The following TRPC6 variants were observed in gnomAD, a reference collection of about 807,000 sequenced individuals.
TRPC6 encodes the protein short transient receptor potential channel 6.
Under a neutral mutation model 90.7 loss-of-function variants are expected in TRPC6, and 55 were observed. The ratio of observed to expected loss-of-function variants is 0.61; its 90% CI spans 0.49 to 0.76. TRPC6 has a LOEUF of 0.76. Ranked by LOEUF, TRPC6 falls within the 30% of genes least tolerant of loss-of-function variation. TRPC6 has a pLI of 0.00. For missense variants in TRPC6, 989 were observed against 1,122.7 expected, an observed-to-expected ratio of 0.88 and a Z score of 1.70; for synonymous variants, 393 against 393.0, an observed-to-expected ratio of 1.00 and a Z score of 0.00.
intron 1 of TRPC6, among the ~76,000 whole-genome samples, chr11:101,544,602 C>G (rs148583192): frequency 0.032 from 4,914 of 152,014 alleles, 263 homozygotes; most frequent in African/African-American, 0.099. Context: ...AAGCTGGAAA[C>G]CATCATTCTC....
chr11:101,479,621 A>G (rs991462802), intron 5 of TRPC6, among the ~76,000 whole-genome samples: 4 of 152,216 alleles, frequency 2.6e-5, no homozygotes, highest in African/African-American at 9.6e-5. Flanking sequence ...ACTTTCTTTC[A>G]AGAATAACTT....
At chr11:101,553,484 C>T (rs1259349025) in intron 1 of TRPC6, among the ~76,000 whole-genome samples, 1 of 152,162 alleles carries the variant, frequency 6.6e-6, no homozygotes, top group East Asian at 1.9e-4. Flanking sequence ...ACTCCTATTG[C>T]GTTCCTCACC....
chr11:101,498,699 T>C (rs922518856), intron 2 of TRPC6, among the ~76,000 whole-genome samples: 1 of 152,188 alleles, frequency 6.6e-6, no homozygotes, highest in Admixed American at 6.5e-5. Flanking sequence ...AATAGATTAA[T>C]CGTCTTCAAA....
intron 1 of TRPC6, among the ~76,000 whole-genome samples, chr11:101,541,832 G>GT (rs1565235769): frequency 6.6e-6 from 1 of 152,316 alleles, no homozygotes; most frequent in East Asian, 1.9e-4. Context: ...GTATATGCAT[G>GT]TTTAACATTG....
intron 1 of TRPC6, among the ~76,000 whole-genome samples, chr11:101,566,100 TG>T (rs34025615): frequency 0.62 from 94,094 of 152,016 alleles, 29,336 homozygotes; most frequent in Non-Finnish European, 0.66. Context: ...TTTGGGTATA[TG>T]GGGTATATTG....
intron 1 of TRPC6, among the ~76,000 whole-genome samples, chr11:101,511,951 C>G (rs1860403612): frequency 6.6e-6 from 1 of 152,044 alleles, no homozygotes; most frequent in African/African-American, 2.4e-5. Flanking sequence ...CGAGATCACG[C>G]CACTGCACTC....
At chr11:101,501,849 AT>A (rs1315487706) in intron 2 of TRPC6, among the ~76,000 whole-genome samples, 2 of 152,154 alleles carry the variant, frequency 1.3e-5, no homozygotes, top group Non-Finnish European at 2.9e-5. Context: ...TTATAAAAGC[AT>A]TTTTTAAACT....
At chr11:101,491,421 G>T in intron 3 of TRPC6, 135 bp downstream of exon 3, 1 of 1,165,280 alleles carries the variant, frequency 8.6e-7, no homozygotes, top group Non-Finnish European at 1.2e-6. Context: ...GCGACAGAGC[G>T]AGACTCCATC....
intron 1 of TRPC6, among the ~76,000 whole-genome samples, chr11:101,552,096 A>G (rs1239276466): frequency 1.3e-5 from 2 of 152,090 alleles, no homozygotes; most frequent in African/African-American, 4.8e-5. Flanking sequence ...GTAAGTTTGC[A>G]AGTAAAAATC....
At position 101,499,637 on chromosome 11, in the gene TRPC6, G is replaced by GTGTATATATATATACACAATATAAAA. The variant is rs1565218512; in HGVS notation, c.945+4386_945+4387insTTTTATATTGTGTATATATATATACA. ...TATATATACACACACAATATAAAAT[G>GTGTATATATATATACACAATATAAAA]TGTATATATATATATACACAATATA... On this transcript the variant is annotated intron_variant, in intron 2 of 12. Transcript: ENST00000344327. 9.9e-4 allele frequency among the ~76,000 whole-genome samples: 91 copies of GTGTATATATATATACACAATATAAAA among 92,168 alleles called. 2 individuals are homozygous for GTGTATATATATATACACAATATAAAA. The highest frequency in any genetic ancestry group is 1.3e-3 in the Non-Finnish European group (60 of 46,120). 60.5% of individuals were successfully genotyped at this position (92,168 alleles called of 152,430 possible).
intron 1 of TRPC6, among the ~76,000 whole-genome samples, chr11:101,522,835 T>A (rs771020916): frequency 1.3e-5 from 2 of 152,226 alleles, no homozygotes; most frequent in Non-Finnish European, 2.9e-5. Context: ...TAGGCATAGC[T>A]TCAGTGCCAG....
chr11:101,454,295 A>G (rs1251294191), intron 11 of TRPC6, among the ~76,000 whole-genome samples: 1 of 152,172 alleles, frequency 6.6e-6, no homozygotes, highest in African/African-American at 2.4e-5. Flanking sequence ...GTCTTGATGG[A>G]TATAGAACTA....
chr11:101,463,201 T>A (rs1439608401), intron 10 of TRPC6, among the ~76,000 whole-genome samples: 1 of 152,196 alleles, frequency 6.6e-6, no homozygotes, highest in Non-Finnish European at 1.5e-5. Flanking sequence ...TGCTGCTGGA[T>A]TCGGTTTGCC....
chr11:101,526,505 CT>C (rs1173779350), intron 1 of TRPC6, among the ~76,000 whole-genome samples: 1 of 152,052 alleles, frequency 6.6e-6, no homozygotes, highest in African/African-American at 2.4e-5. Context: ...TATTCCTAAA[CT>C]TTCTCTTTAT....
chr11:101,485,481 T>C (rs1859657742), intron 4 of TRPC6, among the ~76,000 whole-genome samples: 1 of 152,178 alleles, frequency 6.6e-6, no homozygotes, highest in Non-Finnish European at 1.5e-5. Flanking sequence ...TATAATGTTT[T>C]ATGTATGATT....
intron 4 of TRPC6, among the ~76,000 whole-genome samples, chr11:101,484,588 TCA>T (rs1859629546): frequency 7.0e-6 from 1 of 143,350 alleles, no homozygotes; most frequent in African/African-American, 2.6e-5. Context: ...TCTCTCTCTC[TCA>T]TGCTATGTGT....
chr11:101,510,360 T>C (rs1860368835), intron 1 of TRPC6, among the ~76,000 whole-genome samples: 1 of 152,074 alleles, frequency 6.6e-6, no homozygotes, highest in Non-Finnish European at 1.5e-5. Flanking sequence ...AAATGAAACC[T>C]AGCAAAATCA....
At chr11:101,546,626 T>TA (rs2136830617) in intron 1 of TRPC6, among the ~76,000 whole-genome samples, 1 of 152,294 alleles carries the variant, frequency 6.6e-6, no homozygotes, top group African/African-American at 2.4e-5. Flanking sequence ...TTGTAATACT[T>TA]ACTTGTAACA....
Position 101,476,319 on chromosome 11 carries a change from C to G in TRPC6, c.1726G>C (p.Val576Leu). Residue 576 changes from valine (V) to leucine (L), a missense_variant, in exon 6 of 13, where the codon GTG (valine) becomes CTG (leucine). Coordinates refer to ENST00000344327, the MANE Select transcript of TRPC6 (RefSeq NM_004621.6). ...AACTCACCCAAATTGTAGTATTTCACATTGTCTCCCAATGTTACTTTCGTC... is the reference window on the plus strand; with the variant it reads ...AACTCACCCAAATTGTAGTATTTCAGATTGTCTCCCAATGTTACTTTCGTC... ...DLTKVTLGDNVKYYNLARIKW... is the reference protein window; with the variant it reads ...DLTKVTLGDNLKYYNLARIKW... 1 of 1,614,046 alleles carries G rather than the reference C, an allele frequency of 6.2e-7. No individual in the cohort carries two copies. Among genetic ancestry groups the G allele is most frequent in the Non-Finnish European group, 8.5e-7 (1 of 1,179,952 alleles).
Sources: gnomAD v4.1 joint callset for allele counts (sites outside exome capture counted in the v4.1 genomes callset) on GRCh38, gnomAD v4.1.1 for gene constraint, MANE v1.5 for transcripts, NCBI Gene and HGNC (gene_info 2026-07-23, HGNC 2026-07-21) for gene names.